The following POLQ variants were observed in gnomAD, a reference collection of about 807,000 sequenced individuals.
POLQ encodes the protein DNA polymerase theta, also known as epididymis secretory sperm binding protein.
Under a neutral mutation model 259.2 loss-of-function variants are expected in POLQ, and 233 were observed. The ratio of observed to expected loss-of-function variants is 0.90; its 90% CI spans 0.81 to 1.00. The LOEUF is 1.00. Ranked by LOEUF, POLQ falls within the 50% of genes least tolerant of loss-of-function variation. The pLI is 0.00. For synonymous variants in POLQ, 1,025 were observed against 1,048.8 expected (o/e 0.98, Z 0.44); for missense variants, 2,871 against 3,051.6 (o/e 0.94, Z 1.39).
intron 19 of POLQ, among the ~76,000 whole-genome samples, chr3:121,480,706 A>T (rs1576411538): frequency 6.6e-6 from 1 of 152,150 alleles, no homozygotes; most frequent in African/African-American, 2.4e-5. Context: ...ATAATAATCA[A>T]CTAACATAAT....
intron 25 of POLQ, among the ~76,000 whole-genome samples, chr3:121,452,109 A>ATGTGCCCTTTGC (rs2047683240): frequency 6.6e-6 from 1 of 152,148 alleles, no homozygotes; most frequent in African/African-American, 2.4e-5. Context: ...TAATCTGTTG[A>ATGTGCCCTTTGC]TGTGCCCTTT....
chr3:121,542,787 T>G (rs769132379), intron 2 of POLQ, among the ~76,000 whole-genome samples: 2 of 152,002 alleles, frequency 1.3e-5, no homozygotes, highest in Non-Finnish European at 2.9e-5. Context: ...GCCACCCCCA[T>G]CTCTACAAAA....
At chr3:121,510,301 G>A (rs2048244420) in intron 10 of POLQ, 58 bp from the exon 11 acceptor site, 2 of 1,271,812 alleles carry the variant, frequency 1.6e-6, no homozygotes, top group Non-Finnish European at 2.3e-6. Flanking sequence ...CAAGCCACCG[G>A]GCGCGGTGGC....
rs141737634 is a variant in POLQ, at chr3:121,440,361, G to A, written c.7265-245C>T. On this transcript the variant is annotated intron_variant, in intron 26 of 29. Transcript: ENST00000264233. Reference sequence around the variant, plus strand: ...TTTTTTGTTTTTGAGACAGGATCTCGCTCACTCTGTCACCCAGGTGGGAGT... The same window carrying A: ...TTTTTTGTTTTTGAGACAGGATCTCACTCACTCTGTCACCCAGGTGGGAGT... Among the ~76,000 whole-genome samples, 10 of 152,150 alleles carry A rather than the reference G, an allele frequency of 6.6e-5. No individual in the cohort carries two copies. The East Asian group carries it at 1.2e-3, about 18-fold the overall frequency.
intron 2 of POLQ, 63 bp downstream of exon 2, chr3:121,544,664 C>G: frequency 9.2e-7 from 1 of 1,086,628 alleles, no homozygotes; most frequent in Non-Finnish European, 1.4e-6. Flanking sequence ...ACAACTACCT[C>G]AATAGAGTAT....
chr3:121,467,098 G>GA (rs1486346188), intron 24 of POLQ, among the ~76,000 whole-genome samples: 1 of 152,096 alleles, frequency 6.6e-6, no homozygotes, highest in Non-Finnish European at 1.5e-5. Context: ...GAAAAAGAGA[G>GA]AAAAAACATA....
At chr3:121,465,915 C>T (rs764473792) in intron 24 of POLQ, among the ~76,000 whole-genome samples, 7 of 152,120 alleles carry the variant, frequency 4.6e-5, no homozygotes, top group Admixed American at 2.0e-4. Context: ...ATCTCTCTCA[C>T]GTTAAACCAA....
At chr3:121,472,299 GT>G (rs2047890078) in intron 21 of POLQ, 135 bp from the exon 22 acceptor site, 1 of 456,372 alleles carries the variant, frequency 2.2e-6, no homozygotes, top group Non-Finnish European at 3.9e-6. Context: ...ATTACTTGGA[GT>G]TTTTTAAACC....
chr3:121,455,240 G>C (rs2047723097), intron 25 of POLQ, among the ~76,000 whole-genome samples: 5 of 140,890 alleles, frequency 3.5e-5, no homozygotes, highest in Non-Finnish European at 4.7e-5. Flanking sequence ...GCAGTGTGTA[G>C]AGGGAAATTT....
intron 25 of POLQ, among the ~76,000 whole-genome samples, chr3:121,453,511 A>T (rs1312752424): frequency 6.6e-6 from 1 of 152,234 alleles, no homozygotes; most frequent in Non-Finnish European, 1.5e-5. Context: ...AGACAAATGT[A>T]TAACTAGAAT....
intron 5 of POLQ, among the ~76,000 whole-genome samples, chr3:121,533,513 G>A (rs794323): frequency 0.098 from 14,929 of 152,046 alleles, 1,063 homozygotes; most frequent in African/African-American, 0.2. Context: ...TAGACAGTAC[G>A]TGGTAGTATT....
At chr3:121,514,156 C>T (rs182095355) in intron 9 of POLQ, among the ~76,000 whole-genome samples, 2 of 148,756 alleles carry the variant, frequency 1.3e-5, no homozygotes, top group African/African-American at 5.0e-5. Context: ...TGGTGAAACC[C>T]CATCTCTACT....
At position 121,432,182 on chromosome 3, in the gene POLQ, A is replaced by T. The variant is rs2047498974; in HGVS notation, c.*122T>A. On this transcript the variant is annotated 3_prime_UTR_variant, in exon 30 of 30. Coordinates refer to ENST00000264233, the MANE Select transcript of POLQ (RefSeq NM_199420.4). ...TTGAAACTCTCACTATAAAATTACT[A>T]GGCTAAGTCTATCAAGACTTGAAAG... 3 of 873,040 alleles carry T rather than the reference A, an allele frequency of 3.4e-6. No homozygotes were observed. Among genetic ancestry groups the T allele is most frequent in the Non-Finnish European group, 5.0e-6 (3 of 600,356 alleles). 54.1% of individuals were successfully genotyped at this position (873,040 alleles called of 1,614,324 possible). A position where few individuals can be genotyped will look rare whatever the true frequency, so the allele number is the denominator to read the frequency against.
intron 12 of POLQ, among the ~76,000 whole-genome samples, chr3:121,500,058 A>T (rs906841925): frequency 6.6e-6 from 1 of 152,104 alleles, no homozygotes; most frequent in Non-Finnish European, 1.5e-5. Flanking sequence ...AGAGGGGAGG[A>T]CCACTTGAGC....
chr3:121,528,779 C>T (rs1226682252), intron 7 of POLQ, among the ~76,000 whole-genome samples: 2 of 151,996 alleles, frequency 1.3e-5, no homozygotes, highest in South Asian at 2.1e-4. Context: ...ATGGTGAAAC[C>T]TCATCTCTAC....
intron 18 of POLQ, among the ~76,000 whole-genome samples, chr3:121,482,812 T>C (rs2047981309): frequency 6.6e-6 from 1 of 152,170 alleles, no homozygotes; most frequent in African/African-American, 2.4e-5. Flanking sequence ...AGGTTAAGAA[T>C]AAAGTTTTAT....
rs1220858731 is a variant in POLQ, at chr3:121,432,912, AAATACCTGAAC to A, written c.7654_7659+5del. The A allele has an allele frequency of 4.6e-6, 7 of 1,513,762 alleles. No homozygotes were observed. Among genetic ancestry groups the A allele is most frequent in the Non-Finnish European group, 6.4e-6 (7 of 1,088,820 alleles). The allele number at this position is 1,513,762 out of a possible 1,614,324, so 93.8% of individuals were successfully genotyped here. ...TATGGAATGGACACAAGCATTGCAA[AAATACCTGAAC>A]AACATCTTCTTCTGCCACTTCATAT... On this transcript the variant is annotated splice_donor_variant and splice_donor_5th_base_variant and coding_sequence_variant and intron_variant, in exon 29 of 30. Transcript: ENST00000264233. LOFTEE classifies it high-confidence loss of function.
intron 24 of POLQ, among the ~76,000 whole-genome samples, chr3:121,465,499 T>C (rs919634873): frequency 1.4e-4 from 21 of 152,222 alleles, no homozygotes; most frequent in Non-Finnish European, 2.6e-4. Context: ...CTTGACTTTA[T>C]TATGCCTCAC....
Position 121,463,792 on chromosome 3 carries a change from AATG to A in POLQ, c.6968-3561_6968-3559del, listed in dbSNP as rs573378829. Reference sequence around the variant, plus strand: ...TTTTTTTTAGATTTTTAAACAGGAGAATGATGTTTCCCTATTTCTTCATTCCAC... The same window carrying A: ...TTTTTTTTAGATTTTTAAACAGGAGAATGTTTCCCTATTTCTTCATTCCAC... On this transcript the variant is annotated intron_variant, in intron 24 of 29. Coordinates refer to ENST00000264233, the MANE Select transcript of POLQ (RefSeq NM_199420.4). 3.0e-3 allele frequency among the ~76,000 whole-genome samples: 461 copies of A among 152,240 alleles called. 1 individual carries two copies. The highest frequency in any genetic ancestry group is 4.7e-3 in the Non-Finnish European group (323 of 68,006).
Sources: gnomAD v4.1 joint callset for allele counts (sites outside exome capture counted in the v4.1 genomes callset) on GRCh38, gnomAD v4.1.1 for gene constraint, MANE v1.5 for transcripts, NCBI Gene and HGNC (gene_info 2026-07-23, HGNC 2026-07-21) for gene names.